The following ESD variants were observed in gnomAD, a reference collection of about 807,000 sequenced individuals.
ESD encodes S-formylglutathione hydrolase.
Under a neutral mutation model 38.1 loss-of-function variants are expected in ESD, and 34 were observed. The observed-to-expected ratio is 0.89, with a 90% CI of 0.68 to 1.19. The LOEUF is 1.19. Ranked by LOEUF, ESD falls within the 50% of genes most tolerant of loss-of-function variation. The pLI is 0.00. For synonymous variants in ESD, 97 were observed against 107.0 expected (o/e 0.91, Z 0.58); for missense variants, 334 against 327.2 (o/e 1.02, Z -0.16).
intron 9 of ESD, among the ~76,000 whole-genome samples, chr13:46,772,550 C>T (rs796472325): frequency 2.0e-5 from 3 of 152,310 alleles, no homozygotes; most frequent in Non-Finnish European, 2.9e-5. Context: ...GGTATTAAGC[C>T]GAGCATCCAT....
chr13:46,791,309 A>T, intron 3 of ESD, 37 bp downstream of exon 3: 1 of 1,427,504 alleles, frequency 7.0e-7, no homozygotes, highest in Non-Finnish European at 9.8e-7. Context: ...AATCCAACAG[A>T]ATGAGGTATC....
chr13:46,783,878 A>G (rs1454015057), intron 5 of ESD, among the ~76,000 whole-genome samples: 2 of 152,014 alleles, frequency 1.3e-5, no homozygotes, highest in Non-Finnish European at 2.9e-5. Flanking sequence ...AGATGAAAAA[A>G]GATGTAATTA....
At chr13:46,775,509 A>G (rs893134202) in intron 9 of ESD, 28 of 378,384 alleles carry the variant, frequency 7.4e-5, no homozygotes, top group African/African-American at 3.8e-4. Context: ...TTGTAATCAA[A>G]TGATAAAGCA....
intron 9 of ESD, 29 bp from the exon 10 acceptor site, chr13:46,771,525 T>G: frequency 5.2e-6 from 7 of 1,341,080 alleles, no homozygotes; most frequent in Non-Finnish European, 7.5e-6. Flanking sequence ...ATAAGACATT[T>G]ATCTACCATT....
chr13:46,796,034 TAA>T (rs869123739), intron 1 of ESD, among the ~76,000 whole-genome samples: 122 of 150,404 alleles, frequency 8.1e-4, no homozygotes, highest in African/African-American at 2.5e-3. Flanking sequence ...GAAAATTTTT[TAA>T]AAAAAATATA....
intron 9 of ESD, among the ~76,000 whole-genome samples, chr13:46,774,614 CCTTTCATT>C (rs1874723038): frequency 6.6e-6 from 1 of 152,094 alleles, no homozygotes; most frequent in Non-Finnish European, 1.5e-5. Flanking sequence ...TAAATGAACA[CCTTTCATT>C]CTTTCATTCT....
At chr13:46,780,066 A>G in intron 7 of ESD, 33 bp from the exon 8 acceptor site, 1 of 1,437,762 alleles carries the variant, frequency 7.0e-7, no homozygotes, top group Non-Finnish European at 9.5e-7. Flanking sequence ...AAAACAAGTT[A>G]TATTTTGCTA....
chr13:46,776,260 G>A (rs546211679), intron 9 of ESD: 2 of 152,508 alleles, frequency 1.3e-5, no homozygotes, highest in African/African-American at 2.4e-5. Context: ...TCATGTATTA[G>A]TTTTTGACAT....
chr13:46,794,226 A>G (rs1407429385), intron 1 of ESD, among the ~76,000 whole-genome samples: 1 of 152,198 alleles, frequency 6.6e-6, no homozygotes, highest in Non-Finnish European at 1.5e-5. Flanking sequence ...TGGGAGTTAC[A>G]CAATTTTTCC....
chr13:46,778,716 C>A (rs1874891675), intron 8 of ESD, among the ~76,000 whole-genome samples: 3 of 151,758 alleles, frequency 2.0e-5, no homozygotes, highest in Non-Finnish European at 4.4e-5. Flanking sequence ...CAGATGAAGA[C>A]TCAAAACACT....
intron 4 of ESD, 72 bp from the exon 5 acceptor site, chr13:46,784,422 T>C (rs1875120059): frequency 5.7e-6 from 6 of 1,060,012 alleles, no homozygotes; most frequent in African/African-American, 1.6e-5. Flanking sequence ...TGGGGACTAT[T>C]AGAGCAGGGG....
At chr13:46,787,145 C>T (rs1233030452) in intron 3 of ESD, 36 bp from the exon 4 acceptor site, 1 of 1,209,408 alleles carries the variant, frequency 8.3e-7, no homozygotes, top group African/African-American at 1.5e-5. Context: ...AATATTAATG[C>T]CCCTCATTAA....
intron 1 of ESD, among the ~76,000 whole-genome samples, chr13:46,796,490 TC>T (rs767071490): frequency 6.6e-6 from 1 of 152,338 alleles, no homozygotes. Context: ...GTGCGCTCAA[TC>T]CCATTTCCCT....
intron 9 of ESD, chr13:46,776,914 A>G (rs1385383126): frequency 6.6e-6 from 1 of 152,066 alleles, no homozygotes; most frequent in Non-Finnish European, 1.5e-5. Context: ...TGAGTAGTGG[A>G]CGGTCAAAAA....
At position 46,787,095 on chromosome 13, in the gene ESD, C is replaced by T. The variant is rs1234166015; in HGVS notation, c.83G>A (p.Cys28Tyr). ...VFEHDSVELN[C>Y]KMKFAVYLPP... ...TAAGTAGACAGCAAATTTCATTTTG[C>T]AGTTTAGTTCAACACTAGTTTTAAC... Residue 28 changes from cysteine to tyrosine, a missense_variant, in exon 4 of 10, where the codon TGC becomes TAC. Coordinates refer to ENST00000378720, the MANE Select transcript of ESD (RefSeq NM_001984.2). The T allele has an allele frequency of 6.4e-7, 1 of 1,570,504 alleles. No homozygotes were observed. Among genetic ancestry groups the T allele is most frequent in the South Asian group, 1.2e-5 (1 of 85,102 alleles).
At chr13:46,773,131 T>G (rs1243293065) in intron 9 of ESD, among the ~76,000 whole-genome samples, 2 of 152,206 alleles carry the variant, frequency 1.3e-5, no homozygotes, top group African/African-American at 2.4e-5. Context: ...CTTTATTTAG[T>G]CTATCACCGA....
At chr13:46,788,629 C>G (rs1875279960) in intron 3 of ESD, among the ~76,000 whole-genome samples, 1 of 137,892 alleles carries the variant, frequency 7.3e-6, no homozygotes, top group East Asian at 2.2e-4. Flanking sequence ...TAAATCAGGT[C>G]TAAAGTATGT....
chr13:46,785,554 C>G (rs1334571907), intron 4 of ESD: 2 of 151,954 alleles, frequency 1.3e-5, no homozygotes, highest in African/African-American at 4.8e-5. Flanking sequence ...ATTGTGTAAT[C>G]TTTCTGTCAT....
At chr13:46,787,183 C>T in intron 3 of ESD, 74 bp from the exon 4 acceptor site, 1 of 795,592 alleles carries the variant, frequency 1.3e-6, no homozygotes, top group Non-Finnish European at 1.9e-6. Flanking sequence ...TAATTATGCA[C>T]TATATAAAAA....
Sources: allele counts gnomAD v4.1 joint callset (sites outside exome capture counted in the v4.1 genomes callset), GRCh38; gene constraint gnomAD v4.1.1; transcripts MANE v1.5; gene names NCBI Gene and HGNC (gene_info 2026-07-23, HGNC 2026-07-21).